Variants in ZMAT4 observed in about 807,000 individuals in gnomAD.
ZMAT4 encodes the protein zinc finger matrin-type protein 4.
A neutral mutation model predicts 28.7 loss-of-function variants in ZMAT4; 17 were observed. The ratio of observed to expected loss-of-function variants is 0.59; its 90% CI spans 0.41 to 0.89. The LOEUF is 0.89. Among genes scored for constraint, ZMAT4 ranks in the 40% least tolerant of loss-of-function variants. The pLI is 0.00. For missense variants in ZMAT4, 240 were observed against 283.8 expected, an observed-to-expected ratio of 0.85 and a Z score of 1.11; for synonymous variants, 117 against 109.2, an observed-to-expected ratio of 1.07 and a Z score of -0.44.
intron 3 of ZMAT4, among the ~76,000 whole-genome samples, chr8:40,737,455 G>A (rs567188399): frequency 6.6e-6 from 1 of 152,052 alleles, no homozygotes; most frequent in East Asian, 1.9e-4. Context: ...AGGAAAAGGA[G>A]GAGGAAGAAA....
chr8:40,786,589 A>G (rs1586049376), intron 2 of ZMAT4: 1 of 802,154 alleles, frequency 1.2e-6, no homozygotes, highest in Non-Finnish European at 1.7e-6. Flanking sequence ...AACAGCCAGC[A>G]TGCACGTTCT....
intron 5 of ZMAT4, among the ~76,000 whole-genome samples, chr8:40,620,103 G>T (rs564467516): frequency 6.6e-6 from 1 of 152,312 alleles, no homozygotes; most frequent in African/African-American, 2.4e-5. Flanking sequence ...CACTAGCCGT[G>T]TAGGGTTCTC....
chr8:40,671,811 CA>C (rs1349013531), intron 5 of ZMAT4, among the ~76,000 whole-genome samples: 1 of 152,080 alleles, frequency 6.6e-6, no homozygotes, highest in African/African-American at 2.4e-5. Context: ...TAATATGCAT[CA>C]TTTTAAAAAA....
chr8:40,700,193 T>A (rs900026524), intron 3 of ZMAT4, among the ~76,000 whole-genome samples: 1 of 152,010 alleles, frequency 6.6e-6, no homozygotes, highest in African/African-American at 2.4e-5. Flanking sequence ...GGAAGTATTA[T>A]AATCAAAGAA....
intron 2 of ZMAT4, among the ~76,000 whole-genome samples, chr8:40,778,684 GGAA>G (rs1213866173): frequency 6.6e-6 from 1 of 152,190 alleles, no homozygotes; most frequent in Non-Finnish European, 1.5e-5. Context: ...AGGCCTTAGG[GGAA>G]GAAGGAACAT....
At chr8:40,889,371 A>G (rs1223483303) in intron 1 of ZMAT4, among the ~76,000 whole-genome samples, 4 of 152,246 alleles carry the variant, frequency 2.6e-5, no homozygotes, top group Non-Finnish European at 5.9e-5. Flanking sequence ...AGTGAACAGC[A>G]TCGCACCCAG....
At chr8:40,562,895 G>C (rs981666318) in intron 6 of ZMAT4, among the ~76,000 whole-genome samples, 1 of 152,114 alleles carries the variant, frequency 6.6e-6, no homozygotes, top group Admixed American at 6.5e-5. Context: ...AAAAAGTGTT[G>C]ACTTCTCTTC....
Position 40,590,104 on chromosome 8 carries a change from C to A in ZMAT4, c.578-8843G>T, listed in dbSNP as rs1416524166. Among the ~76,000 whole-genome samples, 46 of 150,654 alleles carry A rather than the reference C, an allele frequency of 3.1e-4. 1 individual carries two copies. The highest frequency in any genetic ancestry group is 4.4e-5 in the Non-Finnish European group (3 of 67,846). On this transcript the variant is annotated intron_variant, in intron 5 of 6. Coordinates refer to ENST00000297737, the MANE Select transcript of ZMAT4 (RefSeq NM_024645.3). ...GCATGATTGTAGTTCACTGCAGCCT[C>A]GAACTCCAGGGCTCAAGCATGACTC... is the stretch of plus-strand genomic sequence containing the variant.
chr8:40,682,484 G>C (rs753013784), intron 4 of ZMAT4, among the ~76,000 whole-genome samples: 3 of 152,136 alleles, frequency 2.0e-5, no homozygotes, highest in Non-Finnish European at 4.4e-5. Flanking sequence ...ATAAAAAGAA[G>C]TACCTGTCTT....
chr8:40,813,849 G>A lies in ZMAT4; in HGVS notation c.102+11726C>T, dbSNP rs62636691. On this transcript the variant is annotated intron_variant, in intron 2 of 6. Coordinates refer to ENST00000297737, the MANE Select transcript of ZMAT4 (RefSeq NM_024645.3). ...AATGGCATAGCCAGGCCTGTAGAGAGGCTCAGAAGAGGAATATTTGGCAGA... is the reference window on the plus strand; with the variant it reads ...AATGGCATAGCCAGGCCTGTAGAGAAGCTCAGAAGAGGAATATTTGGCAGA... 3.6e-3 allele frequency among the ~76,000 whole-genome samples: 554 copies of A among 152,324 alleles called. 5 individuals are homozygous for A. The highest frequency in any genetic ancestry group is 5.0e-3 in the Non-Finnish European group (337 of 68,028).
Position 40,726,458 on chromosome 8 carries a change from C to T in ZMAT4, c.193-29057G>A, listed in dbSNP as rs541649690. Among the ~76,000 whole-genome samples, 31 of 152,278 alleles carry T rather than the reference C, an allele frequency of 2.0e-4. No homozygotes were observed. In the South Asian group the frequency reaches 3.3e-3, roughly 16 times the overall value. ...CTCTCCTGACTTTTGGCCTTTCTGC[C>T]GCCTTACTGCAAAATGGTTATTCTA... On this transcript the variant is annotated intron_variant, in intron 3 of 6. Coordinates refer to ENST00000297737, the MANE Select transcript of ZMAT4 (RefSeq NM_024645.3).
At chr8:40,659,350 A>T (rs1808083188) in intron 5 of ZMAT4, among the ~76,000 whole-genome samples, 1 of 152,112 alleles carries the variant, frequency 6.6e-6, no homozygotes, top group African/African-American at 2.4e-5. Flanking sequence ...GTGCGTTGAG[A>T]CACCTCCAAA....
chr8:40,678,162 A>C (rs1474339275), intron 4 of ZMAT4, among the ~76,000 whole-genome samples: 1 of 152,246 alleles, frequency 6.6e-6, no homozygotes, highest in East Asian at 1.9e-4. Context: ...AGATCTTCAC[A>C]TAAAAGAAAG....
intron 6 of ZMAT4, among the ~76,000 whole-genome samples, chr8:40,554,378 A>G (rs138306587): frequency 1.3e-5 from 2 of 152,218 alleles, no homozygotes; most frequent in East Asian, 3.9e-4. Flanking sequence ...TAGTTAATTA[A>G]CTACTAATTG....
chr8:40,875,502 C>G (rs1392704878), intron 1 of ZMAT4, among the ~76,000 whole-genome samples: 1 of 152,298 alleles, frequency 6.6e-6, no homozygotes, highest in Middle Eastern at 3.4e-3. Flanking sequence ...GCAGCCACCC[C>G]CCTACCATCT....
chr8:40,698,715 C>T (rs1482050680), intron 3 of ZMAT4, among the ~76,000 whole-genome samples: 1 of 152,174 alleles, frequency 6.6e-6, no homozygotes, highest in Non-Finnish European at 1.5e-5. Context: ...GAATTCCTTC[C>T]TCCTTAAGAC....
rs1563360151 is a variant in ZMAT4, at chr8:40,601,495, G to GAAAGAAAGAAAGAAAGAAAGAAAGAA, written c.578-20235_578-20234insTTCTTTCTTTCTTTCTTTCTTTCTTT. Among the ~76,000 whole-genome samples the GAAAGAAAGAAAGAAAGAAAGAAAGAA allele has an allele frequency of 1.1e-4, 11 of 97,068 alleles. 1 individual carries two copies. The highest frequency in any genetic ancestry group is 4.7e-4 in the African/African-American group (11 of 23,432). The allele number at this position is 97,068 out of a possible 152,430, so 63.7% of individuals were successfully genotyped here. A position where few individuals can be genotyped will look rare whatever the true frequency, so the allele number is the denominator to read the frequency against. On this transcript the variant is annotated intron_variant, in intron 5 of 6. Transcript: ENST00000297737. ...AAAGAAAGAAAGAAAGAAAGAAAGA[G>GAAAGAAAGAAAGAAAGAAAGAAAGAA]AGAAAGAAAGAAAGAGAAAGAGAAA...
intron 5 of ZMAT4, among the ~76,000 whole-genome samples, chr8:40,658,619 T>TACACAC (rs3038825): frequency 0.041 from 6,014 of 145,366 alleles, 249 homozygotes; most frequent in African/African-American, 0.11. Flanking sequence ...GTTAGACACA[T>TACACAC]ACACACACAC....
At chr8:40,737,999 G>C (rs1811844016) in intron 3 of ZMAT4, among the ~76,000 whole-genome samples, 1 of 152,044 alleles carries the variant, frequency 6.6e-6, no homozygotes, top group African/African-American at 2.4e-5. Flanking sequence ...CTGGTCTAAG[G>C]GAGAGCTGCG....
Sources: allele counts gnomAD v4.1 joint callset (sites outside exome capture counted in the v4.1 genomes callset), GRCh38; gene constraint gnomAD v4.1.1; transcripts MANE v1.5; gene names NCBI Gene and HGNC (gene_info 2026-07-23, HGNC 2026-07-21).